Variants in PTGFR observed in about 807,000 individuals in gnomAD.
PTGFR encodes the protein prostaglandin F2-alpha receptor.
A neutral mutation model predicts 26.2 loss-of-function variants in PTGFR; 15 were observed. That is an observed-to-expected ratio of 0.57 (90% CI 0.38 to 0.88). PTGFR has a LOEUF of 0.88. PTGFR is among the 40% of genes least tolerant of loss of function. The pLI is 0.00. For missense variants in PTGFR, 369 were observed against 427.2 expected (o/e 0.86, Z 1.20); for synonymous variants, 165 against 151.1 (o/e 1.09, Z -0.68).
At chr1:78,495,704 G>A (rs529748111) in intron 2 of PTGFR, among the ~76,000 whole-genome samples, 1 of 152,136 alleles carries the variant, frequency 6.6e-6, no homozygotes, top group Admixed American at 6.5e-5. Context: ...AGGAATAGGA[G>A]TCATAGACTT....
At chr1:78,503,101 C>T (rs1316986543) in intron 2 of PTGFR, among the ~76,000 whole-genome samples, 5 of 151,918 alleles carry the variant, frequency 3.3e-5, no homozygotes, top group Admixed American at 6.6e-5. Flanking sequence ...CCCAGAGATA[C>T]GGAAGTGTGA....
intron 2 of PTGFR, among the ~76,000 whole-genome samples, chr1:78,530,032 AG>A (rs1650466893): frequency 6.6e-6 from 1 of 152,200 alleles, no homozygotes; most frequent in African/African-American, 2.4e-5. Flanking sequence ...GGTGCCAAAA[AG>A]GTTGGGGACT....
At chr1:78,497,064 C>A (rs187836859) in intron 2 of PTGFR, among the ~76,000 whole-genome samples, 46 of 152,120 alleles carry the variant, frequency 3.0e-4, no homozygotes, top group African/African-American at 9.2e-4. Flanking sequence ...ATGTGTCCAC[C>A]ATTACAGGAT....
At chr1:78,512,402 G>C (rs988437909) in intron 2 of PTGFR, among the ~76,000 whole-genome samples, 2 of 152,110 alleles carry the variant, frequency 1.3e-5, no homozygotes, top group Admixed American at 1.3e-4. Flanking sequence ...CTCAGTGTCT[G>C]GGGAGGCCTC....
At chr1:78,498,677 A>G (rs1557648022) in intron 2 of PTGFR, among the ~76,000 whole-genome samples, 1 of 152,186 alleles carries the variant, frequency 6.6e-6, no homozygotes, top group Non-Finnish European at 1.5e-5. Flanking sequence ...AAACCTGTAC[A>G]TGTATCCCCT....
At chr1:78,524,543 T>C (rs1046854487) in intron 2 of PTGFR, among the ~76,000 whole-genome samples, 39 of 152,114 alleles carry the variant, frequency 2.6e-4, no homozygotes, top group African/African-American at 7.0e-4. Flanking sequence ...GCAAGACATT[T>C]GATTATATCC....
At chr1:78,522,607 T>C (rs1352063233) in intron 2 of PTGFR, among the ~76,000 whole-genome samples, 1 of 152,232 alleles carries the variant, frequency 6.6e-6, no homozygotes, top group South Asian at 2.1e-4. Flanking sequence ...TTGTTCTGTT[T>C]TGTTTTGTTT....
Position 78,540,614 on chromosome 1 carries a change from A to G in PTGFR, c.*3927A>G, listed in dbSNP as rs893866893. 3.9e-5 allele frequency among the ~76,000 whole-genome samples: 6 copies of G among 152,156 alleles called. No homozygotes were observed. Among genetic ancestry groups the G allele is most frequent in the African/African-American group, 1.4e-4 (6 of 41,468 alleles). On this transcript the variant is annotated 3_prime_UTR_variant, in exon 3 of 3. Coordinates refer to ENST00000370757, the MANE Select transcript of PTGFR (RefSeq NM_000959.4). ...ATCTTGGTTCTTAAAAATTCAGGCA[A>G]TTGAAACATTTCTGTATAATACCAA...
intron 2 of PTGFR, among the ~76,000 whole-genome samples, chr1:78,501,138 A>G (rs770889744): frequency 6.6e-6 from 1 of 152,174 alleles, no homozygotes; most frequent in African/African-American, 2.4e-5. Flanking sequence ...TATACCCTCA[A>G]GGATATAAAA....
intron 2 of PTGFR, among the ~76,000 whole-genome samples, chr1:78,533,154 T>C (rs1343794515): frequency 1.3e-5 from 2 of 152,182 alleles, no homozygotes; most frequent in African/African-American, 2.4e-5. Flanking sequence ...TGAAGAACTA[T>C]AAGACTAGTA....
At position 78,518,565 on chromosome 1, in the gene PTGFR, AAG is replaced by A. The variant is rs1209439418; in HGVS notation, c.799-17839_799-17838del. ...TGCAGCATTTGTCATTACAGTATAA[AAG>A]ACACACACACACACACACACACACA... On this transcript the variant is annotated intron_variant, in intron 2 of 2. Coordinates refer to ENST00000370757, the MANE Select transcript of PTGFR (RefSeq NM_000959.4). 3.7e-5 allele frequency among the ~76,000 whole-genome samples: 4 copies of A among 109,218 alleles called. No individual in the cohort carries two copies. In the East Asian group the frequency reaches 7.7e-4, roughly 21 times the overall value. 71.7% of individuals were successfully genotyped at this position (109,218 alleles called of 152,430 possible). A position where few individuals can be genotyped will look rare whatever the true frequency, so the allele number is the denominator to read the frequency against.
intron 2 of PTGFR, among the ~76,000 whole-genome samples, chr1:78,501,785 C>A (rs1006253320): frequency 1.3e-5 from 2 of 152,102 alleles, no homozygotes; most frequent in Admixed American, 1.3e-4. Context: ...TAGCTATGAC[C>A]TTAGAGTTAC....
intron 2 of PTGFR, among the ~76,000 whole-genome samples, chr1:78,535,956 A>G (rs1187716960): frequency 6.6e-6 from 1 of 152,128 alleles, no homozygotes; most frequent in East Asian, 1.9e-4. Flanking sequence ...CTCAGAGTAA[A>G]ATTTGTCATA....
In PTGFR at chr1:78,539,704, T is replaced by A. The variant is rs183085047; in HGVS notation, c.*3017T>A. ...ATGTAATTTTAGTGCTTTGACTAGC[T>A]TAAAACTTCAAACAAGTAATTTTAT... On this transcript the variant is annotated 3_prime_UTR_variant, in exon 3 of 3. Coordinates refer to ENST00000370757, the MANE Select transcript of PTGFR (RefSeq NM_000959.4). The A allele has an allele frequency of 4.4e-3, 665 of 152,668 alleles. 4 individuals are homozygous for A. The highest frequency in any genetic ancestry group is 0.027 in the South Asian group (129 of 4,824). 9.5% of individuals were successfully genotyped at this position (152,668 alleles called of 1,614,324 possible). A position where few individuals can be genotyped will look rare whatever the true frequency, so the allele number is the denominator to read the frequency against.
chr1:78,527,973 A>G (rs1650411499), intron 2 of PTGFR, among the ~76,000 whole-genome samples: 1 of 152,122 alleles, frequency 6.6e-6, no homozygotes, highest in East Asian at 1.9e-4. Context: ...CAGTTGAAGG[A>G]TGAGTAATAC....
At chr1:78,534,909 T>C (rs1335393606) in intron 2 of PTGFR, among the ~76,000 whole-genome samples, 1 of 152,222 alleles carries the variant, frequency 6.6e-6, no homozygotes, top group South Asian at 2.1e-4. Context: ...TAAAGGATAT[T>C]TCTTTTACAG....
Position 78,519,850 on chromosome 1 carries a change from G to A in PTGFR, c.799-16556G>A, listed in dbSNP as rs116219857. ...GTGGTCTCTGGGCTTAGTGGAGTAGGTTCTTACCTACCAATTATGAGAGTG... is the reference window on the plus strand; with the variant it reads ...GTGGTCTCTGGGCTTAGTGGAGTAGATTCTTACCTACCAATTATGAGAGTG... On this transcript the variant is annotated intron_variant, in intron 2 of 2. Transcript: ENST00000370757. 8.3e-4 allele frequency among the ~76,000 whole-genome samples: 126 copies of A among 152,168 alleles called. 1 individual carries two copies. The highest frequency in any genetic ancestry group is 2.3e-3 in the African/African-American group (96 of 41,550).
intron 2 of PTGFR, among the ~76,000 whole-genome samples, chr1:78,535,692 G>A (rs1650627784): frequency 6.6e-6 from 1 of 152,154 alleles, no homozygotes; most frequent in South Asian, 2.1e-4. Flanking sequence ...ACAATTTATA[G>A]AACTGATTCC....
At chr1:78,505,648 A>AT (rs898618241) in intron 2 of PTGFR, among the ~76,000 whole-genome samples, 11 of 151,976 alleles carry the variant, frequency 7.2e-5, no homozygotes, top group East Asian at 5.8e-4. Flanking sequence ...TGTACAGAAC[A>AT]TTTTTTTTAT....
Sources: gnomAD v4.1 joint callset for allele counts (sites outside exome capture counted in the v4.1 genomes callset) on GRCh38, gnomAD v4.1.1 for gene constraint, MANE v1.5 for transcripts, NCBI Gene and HGNC (gene_info 2026-07-23, HGNC 2026-07-21) for gene names.